COMMD1: variants seen among roughly 807,000 people sequenced by gnomAD.
COMMD1 encodes COMM domain-containing protein 1.
COMMD1 carries 10 observed loss-of-function variants against 17.2 expected under a neutral mutation model. The ratio of observed to expected loss-of-function variants is 0.58; its 90% CI spans 0.36 to 0.99. COMMD1 has a LOEUF of 0.99. Ranked by LOEUF, COMMD1 falls within the 50% of genes least tolerant of loss-of-function variation. The pLI is 0.01. For missense variants in COMMD1, 270 were observed against 231.8 expected (o/e 1.17, Z -1.07); for synonymous variants, 97 against 91.6 (o/e 1.06, Z -0.34).
At chr2:61,971,977 G>A (rs13032528) in intron 1 of COMMD1, among the ~76,000 whole-genome samples, 3 of 152,132 alleles carry the variant, frequency 2.0e-5, no homozygotes, top group Non-Finnish European at 4.4e-5. Flanking sequence ...TAAAAATTTA[G>A]CCAAGTGTGG....
chr2:61,914,089 G>A (rs1012475113), intron 1 of COMMD1, among the ~76,000 whole-genome samples: 19 of 147,926 alleles, frequency 1.3e-4, no homozygotes, highest in African/African-American at 3.5e-4. Context: ...GGAGACTGGC[G>A]TGAACCCAGG....
intron 1 of COMMD1, among the ~76,000 whole-genome samples, chr2:61,970,875 A>G (rs1273070484): frequency 6.6e-6 from 1 of 152,082 alleles, no homozygotes; most frequent in Admixed American, 6.6e-5. Context: ...TTTATCTGTT[A>G]TATTTGGTCA....
chr2:62,024,090 T>A (rs573150657), intron 2 of COMMD1, among the ~76,000 whole-genome samples: 3 of 152,354 alleles, frequency 2.0e-5, no homozygotes, highest in African/African-American at 4.8e-5. Context: ...ATATTCACAA[T>A]GTTGTTCAAC....
At chr2:61,969,261 T>C (rs1244325649) in intron 1 of COMMD1, 1 of 153,566 alleles carries the variant, frequency 6.5e-6, no homozygotes, top group Non-Finnish European at 1.5e-5. Flanking sequence ...TTCTGCAGGC[T>C]ATAGAAATAC....
chr2:62,106,361 C>T (rs563201593), intron 2 of COMMD1, among the ~76,000 whole-genome samples: 154 of 152,322 alleles, frequency 1.0e-3, no homozygotes, highest in African/African-American at 3.4e-3. Flanking sequence ...CTGTGTTCTA[C>T]TCAGGGTAGC....
At chr2:61,989,715 C>T (rs955891038) in intron 1 of COMMD1, among the ~76,000 whole-genome samples, 9 of 152,110 alleles carry the variant, frequency 5.9e-5, no homozygotes, top group South Asian at 2.1e-4. Context: ...CCGCCCACGT[C>T]GGCCTCCCAA....
At chr2:62,097,963 C>T (rs1306430680) in intron 2 of COMMD1, among the ~76,000 whole-genome samples, 7 of 152,104 alleles carry the variant, frequency 4.6e-5, no homozygotes, top group African/African-American at 1.7e-4. Context: ...CCTTTGCCCC[C>T]TTTGTGCAAG....
intron 2 of COMMD1, among the ~76,000 whole-genome samples, chr2:62,095,970 A>G (rs1226487519): frequency 6.6e-6 from 1 of 150,488 alleles, no homozygotes; most frequent in African/African-American, 2.4e-5. Context: ...TCTGGGTTAT[A>G]TATACACACA....
rs111948068 is a variant in COMMD1, at chr2:62,056,577, A to T, written c.462+55595A>T. ...ATAAAGTGGCTGCGTTCAAAGCCAA[A>T]CTGGAATTATGGGGGCGATGAGTGA... On this transcript the variant is annotated intron_variant, in intron 2 of 2. Transcript: ENST00000311832. Among the ~76,000 whole-genome samples, 343 of 152,346 alleles carry T rather than the reference A, an allele frequency of 2.3e-3. 3 individuals carry two copies. The highest frequency in any genetic ancestry group is 8.1e-3 in the African/African-American group (338 of 41,590).
intron 2 of COMMD1, among the ~76,000 whole-genome samples, chr2:62,131,743 A>G (rs753842661): frequency 2.0e-4 from 31 of 151,924 alleles, no homozygotes; most frequent in Non-Finnish European, 3.5e-4. Context: ...GGGTTTCGCC[A>G]TGTTGCCCAG....
intron 2 of COMMD1, among the ~76,000 whole-genome samples, chr2:62,058,874 G>A (rs1238813468): frequency 1.3e-5 from 2 of 151,918 alleles, no homozygotes; most frequent in Non-Finnish European, 2.9e-5. Flanking sequence ...TCTGCCTCCC[G>A]GATTCAAGCG....
At chr2:62,051,763 C>G (rs1488317092) in intron 2 of COMMD1, among the ~76,000 whole-genome samples, 1 of 152,140 alleles carries the variant, frequency 6.6e-6, no homozygotes, top group Non-Finnish European at 1.5e-5. Context: ...TGTAAATAGT[C>G]CAAAGGTTTT....
intron 2 of COMMD1, among the ~76,000 whole-genome samples, chr2:62,024,922 C>T (rs1172683042): frequency 6.6e-6 from 1 of 152,090 alleles, no homozygotes; most frequent in Non-Finnish European, 1.5e-5. Flanking sequence ...GTTTCCTGTG[C>T]AATCTTGATG....
intron 1 of COMMD1, among the ~76,000 whole-genome samples, chr2:61,957,148 G>A (rs1174840668): frequency 1.3e-5 from 2 of 150,034 alleles, no homozygotes; most frequent in African/African-American, 4.9e-5. Flanking sequence ...ATGTGGTCTC[G>A]CTTGTTGCCC....
chr2:61,999,166 T>A (rs1668851035), intron 1 of COMMD1, among the ~76,000 whole-genome samples: 1 of 152,144 alleles, frequency 6.6e-6, no homozygotes, highest in Admixed American at 6.5e-5. Flanking sequence ...TATAATAAAG[T>A]GAAGTGCAAT....
At chr2:62,068,112 AAT>A (rs1671103927) in intron 2 of COMMD1, among the ~76,000 whole-genome samples, 1 of 152,198 alleles carries the variant, frequency 6.6e-6, no homozygotes, top group Non-Finnish European at 1.5e-5. Flanking sequence ...AGGTCACTAT[AAT>A]ACTATATAGA....
chr2:62,012,460 A>G lies in COMMD1; in HGVS notation c.462+11478A>G, dbSNP rs200030063. Among the ~76,000 whole-genome samples the G allele has an allele frequency of 9.4e-4, 142 of 151,700 alleles. 3 individuals are homozygous for G. The East Asian group carries it at 0.025, about 27-fold the overall frequency. On this transcript the variant is annotated intron_variant, in intron 2 of 2. Transcript: ENST00000311832. ...CAGCCTCCTGAGTAGCTGGGATTACAGGCATGCACCACCACGCCCAGCTAA... is the reference window on the plus strand; with the variant it reads ...CAGCCTCCTGAGTAGCTGGGATTACGGGCATGCACCACCACGCCCAGCTAA...
At chr2:61,913,443 C>T (rs59394993) in intron 1 of COMMD1, among the ~76,000 whole-genome samples, 4,523 of 149,848 alleles carry the variant, frequency 0.03, 119 homozygotes, top group East Asian at 0.091. Context: ...TTTGGGAGGC[C>T]GAGGCAGATG....
At chr2:61,942,185 C>T (rs1481947411) in intron 1 of COMMD1, among the ~76,000 whole-genome samples, 1 of 151,230 alleles carries the variant, frequency 6.6e-6, no homozygotes, top group Non-Finnish European at 1.5e-5. Context: ...CTCACTGCAA[C>T]CTCCGCCTCC....
Sources: gnomAD v4.1 joint callset for allele counts (sites outside exome capture counted in the v4.1 genomes callset) on GRCh38, gnomAD v4.1.1 for gene constraint, MANE v1.5 for transcripts, NCBI Gene and HGNC (gene_info 2026-07-23, HGNC 2026-07-21) for gene names.